Variants in C1orf159 observed in about 807,000 individuals in gnomAD.
C1orf159 encodes the protein chromosome 1 open reading frame 159.
A neutral mutation model predicts 25.6 loss-of-function variants in C1orf159; 19 were observed. The ratio of observed to expected loss-of-function variants is 0.74; its 90% CI spans 0.52 to 1.09. C1orf159 has a LOEUF of 1.09. Among genes scored for constraint, C1orf159 ranks in the 50% least tolerant of loss-of-function variants. The pLI, the probability that C1orf159 is intolerant of heterozygous loss-of-function variation, is 0.00. For missense variants in C1orf159, 274 were observed against 290.6 expected (o/e 0.94, Z 0.42); for synonymous variants, 139 against 124.7 (o/e 1.12, Z -0.77).
chr1:1,086,416 C>T lies in C1orf159; in HGVS notation c.311-404G>A, dbSNP rs1161332150. Among the ~76,000 whole-genome samples, 4 of 152,252 alleles carry T rather than the reference C, an allele frequency of 2.6e-5. No individual in the cohort carries two copies. The East Asian group carries it at 7.7e-4, about 29-fold the overall frequency. ...CTGGGGCCCCCACACAGGGCAGAGC[C>T]TCAAGCTGGCAGCAGGTGCTCCTGC... On this transcript the variant is annotated intron_variant, in intron 6 of 9. Coordinates refer to ENST00000421241, the MANE Select transcript of C1orf159 (RefSeq NM_017891.5).
At chr1:1,090,937 G>A in intron 3 of C1orf159, 1 of 1,550,384 alleles carries the variant, frequency 6.5e-7, no homozygotes, top group Non-Finnish European at 8.7e-7. Flanking sequence ...GGGGCTCAGG[G>A]TACCCTCAGC....
chr1:1,084,264 C>A, intron 9 of C1orf159, 89 bp downstream of exon 9: 2 of 1,519,700 alleles, frequency 1.3e-6, no homozygotes, highest in East Asian at 2.3e-5. Flanking sequence ...CAGAGCCAGG[C>A]AAACCCGTTT....
chr1:1,102,596 G>T (rs185887863), intron 1 of C1orf159, among the ~76,000 whole-genome samples: 2,531 of 109,038 alleles, frequency 0.023, 43 homozygotes, highest in Non-Finnish European at 0.033. Flanking sequence ...GGCCAACATA[G>T]CGAAACCCTG....
At chr1:1,097,584 A>ATTTTTT (rs71576596) in intron 1 of C1orf159, among the ~76,000 whole-genome samples, 3 of 126,524 alleles carry the variant, frequency 2.4e-5, no homozygotes, top group African/African-American at 9.6e-5. Context: ...AGCTCATTAA[A>ATTTTTT]TTTTTTTTTT....
chr1:1,084,765 C>T (rs1244150859), intron 7 of C1orf159, among the ~76,000 whole-genome samples: 2 of 152,130 alleles, frequency 1.3e-5, no homozygotes, highest in Non-Finnish European at 1.5e-5. Flanking sequence ...AGGTGAGTCC[C>T]CGCTCCCTGG....
At position 1,092,106 on chromosome 1, in the gene C1orf159, G is replaced by T. The variant is rs1159214694; in HGVS notation, c.-135-3C>A. On this transcript the variant is annotated splice_region_variant and splice_polypyrimidine_tract_variant and intron_variant, in intron 1 of 9. Coordinates refer to ENST00000421241, the MANE Select transcript of C1orf159 (RefSeq NM_017891.5). ...GCCCTGCAGACCCCGGCCCAGTCCT[G>T]CAGATGAAGACAGCAGGTGAGGCCG... 4.8e-6 allele frequency: 2 copies of T among 418,090 alleles called. No homozygotes were observed. Among genetic ancestry groups the T allele is most frequent in the Non-Finnish European group, 4.8e-6 (1 of 208,250 alleles). The allele number at this position is 418,090 out of a possible 1,614,324, so 25.9% of individuals were successfully genotyped here.
chr1:1,112,632 C>G (rs539601464), intron 1 of C1orf159, among the ~76,000 whole-genome samples: 1 of 151,516 alleles, frequency 6.6e-6, no homozygotes, highest in South Asian at 2.1e-4. Flanking sequence ...GTGAACACAC[C>G]GGGCATGCTC....
chr1:1,112,457 C>A (rs770174332), intron 1 of C1orf159, among the ~76,000 whole-genome samples: 2 of 151,408 alleles, frequency 1.3e-5, no homozygotes, highest in Admixed American at 6.6e-5. Flanking sequence ...GCGCATGCTC[C>A]CTCCTTCCAG....
rs1645756998 is a variant in C1orf159 at position 1,082,445 on chromosome 1, C to G, written c.*448G>C. Reference sequence around the variant, plus strand: ...CGGCACGAGGACCAGCCTCACTGTTCTCAGAGGGGTCTCGGGCCACTGGGT... The same window carrying G: ...CGGCACGAGGACCAGCCTCACTGTTGTCAGAGGGGTCTCGGGCCACTGGGT... On this transcript the variant is annotated 3_prime_UTR_variant, in exon 10 of 10. Coordinates refer to ENST00000421241, the MANE Select transcript of C1orf159 (RefSeq NM_017891.5). 1 of 206,924 alleles carries G rather than the reference C, an allele frequency of 4.8e-6. No individual in the cohort carries two copies. The highest frequency in any genetic ancestry group is 5.3e-5 in the Admixed American group (1 of 18,768). 12.8% of individuals were successfully genotyped at this position (206,924 alleles called of 1,614,324 possible). A position where few individuals can be genotyped will look rare whatever the true frequency, so the allele number is the denominator to read the frequency against.
rs546031100 is a variant in C1orf159 at position 1,102,926 on chromosome 1, C to T, written c.-135-10823G>A. ...CTCACTGCAGCCTCTGCCTCCTGGG[C>T]TCAAGTGATTCTTTGCCTCAGCCTC... On this transcript the variant is annotated intron_variant, in intron 1 of 9. Transcript: ENST00000421241. Among the ~76,000 whole-genome samples the T allele has an allele frequency of 2.2e-3, 332 of 151,968 alleles. 2 individuals carry two copies. The highest frequency in any genetic ancestry group is 0.01 in the Middle Eastern group (3 of 294).
chr1:1,087,675 T>C lies in C1orf159; in HGVS notation c.149-78A>G. 2.8e-6 allele frequency: 3 copies of C among 1,089,454 alleles called. No homozygotes were observed. The highest frequency in any genetic ancestry group is 4.0e-6 in the Non-Finnish European group (3 of 756,520). 67.5% of individuals were successfully genotyped at this position (1,089,454 alleles called of 1,614,324 possible). ...GGGTCTCCTGGGAATGATTCTCTAT[T>C]TGAGTTGGTGAGATAACTTTCATTC... is the stretch of plus-strand genomic sequence containing the variant. On this transcript the variant is annotated intron_variant, in intron 4 of 9. Coordinates refer to ENST00000421241, the MANE Select transcript of C1orf159 (RefSeq NM_017891.5). The surrounding 1 kb of genome is among the most constrained non-coding windows in gnomAD (Gnocchi z 8.3).
At chr1:1,090,092 C>G (rs1028863045) in intron 4 of C1orf159, among the ~76,000 whole-genome samples, 10 of 152,188 alleles carry the variant, frequency 6.6e-5, no homozygotes, top group Non-Finnish European at 1.5e-4. Context: ...TCTCCAGGCA[C>G]CTTTCTGATC....
chr1:1,096,019 A>T (rs1646004682), intron 1 of C1orf159, among the ~76,000 whole-genome samples: 1 of 152,218 alleles, frequency 6.6e-6, no homozygotes, highest in Non-Finnish European at 1.5e-5. Flanking sequence ...AGGATAAACC[A>T]CACTTGGCCG....
In C1orf159 at chr1:1,092,015, C is replaced by T. The variant is rs778469762; in HGVS notation, c.-47G>A. ...CCTGCCCCTCCAGGATGGGGACTAC[C>T]GACATCAGCCCTTTGCCCGCCTGGG... On this transcript the variant is annotated 5_prime_UTR_variant, in exon 2 of 10. Coordinates refer to ENST00000421241, the MANE Select transcript of C1orf159 (RefSeq NM_017891.5). 1.2e-4 allele frequency: 55 copies of T among 456,710 alleles called. 2 individuals are homozygous for T. The highest frequency in any genetic ancestry group is 5.3e-4 in the South Asian group (34 of 64,556). 28.3% of individuals were successfully genotyped at this position (456,710 alleles called of 1,614,324 possible). A position where few individuals can be genotyped will look rare whatever the true frequency, so the allele number is the denominator to read the frequency against.
chr1:1,090,708 G>A (rs1435896203), intron 3 of C1orf159: 2 of 743,098 alleles, frequency 2.7e-6, no homozygotes, highest in African/African-American at 1.7e-5. Context: ...GGCACCCGCA[G>A]GCCATGGCAG....
At chr1:1,109,179 C>T (rs1030296641) in intron 1 of C1orf159, among the ~76,000 whole-genome samples, 2 of 152,144 alleles carry the variant, frequency 1.3e-5, no homozygotes, top group African/African-American at 4.8e-5. Context: ...TCTATACAGA[C>T]CGTGGAATAT....
At chr1:1,104,015 T>C (rs1291691015) in intron 1 of C1orf159, among the ~76,000 whole-genome samples, 1 of 150,606 alleles carries the variant, frequency 6.6e-6, no homozygotes, top group Non-Finnish European at 1.5e-5. Context: ...TGAGACAGAG[T>C]CTCGCTCTGT....
rs933991487 is a variant in C1orf159, at chr1:1,089,799, T to C, written c.148+554A>G. On this transcript the variant is annotated intron_variant, in intron 4 of 9. Coordinates refer to ENST00000421241, the MANE Select transcript of C1orf159 (RefSeq NM_017891.5). This position sits in a 1 kb window ranked among gnomAD's most constrained non-coding sequence, Gnocchi z 7.5. ...CCCTCCCCTGGCTGCTCCCACTGGCTGCCCTCACCAGCCTCAACCTCCTGA... is the reference window on the plus strand; with the variant it reads ...CCCTCCCCTGGCTGCTCCCACTGGCCGCCCTCACCAGCCTCAACCTCCTGA... Among the ~76,000 whole-genome samples the C allele has an allele frequency of 1.3e-4, 20 of 152,174 alleles. No homozygotes were observed. Among genetic ancestry groups the C allele is most frequent in the Non-Finnish European group, 2.5e-4 (17 of 68,034 alleles).
Position 1,082,800 on chromosome 1 carries a change from C to G in C1orf159, c.*93G>C, listed in dbSNP as rs955212980. The stretch of plus-strand genomic sequence containing the variant: ...GCTGTGCCCAGGACTGTCCCGGGCG[C>G]CGGGCGATGCCAACACTTTGTGCTG... On this transcript the variant is annotated 3_prime_UTR_variant, in exon 10 of 10. Coordinates refer to ENST00000421241, the MANE Select transcript of C1orf159 (RefSeq NM_017891.5). The G allele has an allele frequency of 1.0e-4, 125 of 1,194,470 alleles. No homozygotes were observed. Among genetic ancestry groups the G allele is most frequent in the Non-Finnish European group, 1.4e-4 (116 of 825,476 alleles). 74.0% of individuals were successfully genotyped at this position (1,194,470 alleles called of 1,614,324 possible).
Sources: gnomAD v4.1 joint callset for allele counts (sites outside exome capture counted in the v4.1 genomes callset) on GRCh38, gnomAD v4.1.1 for gene constraint, Gnocchi (gnomAD v3.1) non-coding constraint, MANE v1.5 for transcripts, NCBI Gene and HGNC (gene_info 2026-07-23, HGNC 2026-07-21) for gene names.